HAUS2: variants seen among roughly 807,000 people sequenced by gnomAD.
The protein encoded by HAUS2 is HAUS augmin like complex subunit 2.
In HAUS2, 20 loss-of-function variants were observed where a neutral mutation model predicts 21.6. That is an observed-to-expected ratio of 0.93 (90% CI 0.65 to 1.35). The LOEUF (loss-of-function observed/expected upper bound fraction) is 1.35. HAUS2 is among the 40% of genes most tolerant of loss of function. The pLI, the probability that HAUS2 is intolerant of heterozygous loss-of-function variation, is 0.00. For missense variants in HAUS2, 297 were observed against 280.7 expected, an observed-to-expected ratio of 1.06 and a Z score of -0.42; for synonymous variants, 113 against 95.6, an observed-to-expected ratio of 1.18 and a Z score of -1.06.
intron 5 of HAUS2, among the ~76,000 whole-genome samples, chr15:42,565,298 G>A (rs900180131): frequency 6.6e-6 from 1 of 152,090 alleles, no homozygotes; most frequent in Non-Finnish European, 1.5e-5. Flanking sequence ...AGGTATTGAG[G>A]AGATTAGCTC....
At chr15:42,556,046 A>G (rs1442650284) in intron 1 of HAUS2, among the ~76,000 whole-genome samples, 1 of 151,644 alleles carries the variant, frequency 6.6e-6, no homozygotes, top group South Asian at 2.1e-4. Flanking sequence ...TCCCAGGTTC[A>G]AGCAATTCTC....
intron 1 of HAUS2, among the ~76,000 whole-genome samples, chr15:42,552,552 T>C (rs1441423420): frequency 6.6e-6 from 1 of 152,212 alleles, no homozygotes; most frequent in Non-Finnish European, 1.5e-5. Context: ...TTTGTTTCAA[T>C]CTGTTAGAGA....
rs1244000814 is a variant in HAUS2, at chr15:42,548,954, A to G, written c.82A>G (p.Met28Val). Reference protein sequence around the residue: ...LVLGHFIASGMVNQEMLNMSK... With the variant: ...LVLGHFIASGVVNQEMLNMSK... ...GCTAGGCCACTTCATAGCTTCGGGGATGGTCAATCAGGTACGTGGGGGTGG... is the reference window on the plus strand; with the variant it reads ...GCTAGGCCACTTCATAGCTTCGGGGGTGGTCAATCAGGTACGTGGGGGTGG... The change falls in exon 1 of 6, where the codon ATG becomes GTG. Residue 28 changes from methionine (M) to valine (V), a missense_variant. Coordinates refer to ENST00000260372, the MANE Select transcript of HAUS2 (RefSeq NM_018097.3). 3 of 1,519,050 alleles carry G rather than the reference A, an allele frequency of 2.0e-6. No homozygotes were observed. Among genetic ancestry groups the G allele is most frequent in the Admixed American group, 2.0e-5 (1 of 50,344 alleles). The allele number at this position is 1,519,050 out of a possible 1,614,324, so 94.1% of individuals were successfully genotyped here.
intron 1 of HAUS2, among the ~76,000 whole-genome samples, chr15:42,557,603 T>G (rs2057801263): frequency 6.7e-6 from 1 of 150,264 alleles, no homozygotes; most frequent in Non-Finnish European, 1.5e-5. Context: ...ATGCACAAGA[T>G]AATACTCAAT....
chr15:42,555,637 T>G (rs1460496874), intron 1 of HAUS2, among the ~76,000 whole-genome samples: 2 of 152,192 alleles, frequency 1.3e-5, no homozygotes. Context: ...ATGTTTTTGA[T>G]CTTTCTATCT....
intron 4 of HAUS2, 102 bp downstream of exon 4, chr15:42,561,504 G>T: frequency 1.3e-6 from 1 of 745,068 alleles, no homozygotes; most frequent in Non-Finnish European, 2.3e-6. Flanking sequence ...ATTAGTGATT[G>T]TATTTGTTAA....
chr15:42,548,949 CG>C lies in HAUS2; in HGVS notation c.81del (p.Met28TrpfsTer7). 6.5e-7 allele frequency: 1 copy of C among 1,547,552 alleles called. No homozygotes were observed. Among genetic ancestry groups the C allele is most frequent in the Non-Finnish European group, 8.7e-7 (1 of 1,143,436 alleles). Reference protein sequence around the residue: ...AGLVLGHFIASGMVNQEMLNM... With the variant: ...AGLVLGHFIAXGMVNQEMLNM... Reference sequence around the variant, plus strand: ...CTAGTGCTAGGCCACTTCATAGCTTCGGGGATGGTCAATCAGGTACGTGGGG... The same window carrying C: ...CTAGTGCTAGGCCACTTCATAGCTTCGGGATGGTCAATCAGGTACGTGGGG... On this transcript the variant is annotated frameshift_variant, in exon 1 of 6. Transcript: ENST00000260372. LOFTEE classifies it high-confidence loss of function.
chr15:42,558,992 T>C lies in HAUS2; in HGVS notation c.187-347T>C, dbSNP rs555328760. On this transcript the variant is annotated intron_variant, in intron 2 of 5. Coordinates refer to ENST00000260372, the MANE Select transcript of HAUS2 (RefSeq NM_018097.3). ...AAAACTTTATTGGTTCAAACAGCAA[T>C]TCCTTTGAACTTAGAACAGTGTCTA... Among the ~76,000 whole-genome samples the C allele has an allele frequency of 9.2e-5, 14 of 152,156 alleles. No homozygotes were observed. The East Asian group carries it at 2.7e-3, about 30-fold the overall frequency.
chr15:42,566,949 C>A lies in HAUS2; in HGVS notation c.*133C>A. 3.6e-6 allele frequency: 2 copies of A among 548,168 alleles called. No individual in the cohort carries two copies. The highest frequency in any genetic ancestry group is 6.4e-6 in the Non-Finnish European group (2 of 310,184). The allele number at this position is 548,168 out of a possible 1,614,324, so 34.0% of individuals were successfully genotyped here. A position where few individuals can be genotyped will look rare whatever the true frequency, so the allele number is the denominator to read the frequency against. On this transcript the variant is annotated 3_prime_UTR_variant, in exon 6 of 6. Coordinates refer to ENST00000260372, the MANE Select transcript of HAUS2 (RefSeq NM_018097.3). ...CTGCTTTATATTGGAGTATCAAGAT[C>A]TCAGGTTCATTAAGACCAAACTGAC...
Position 42,548,852 on chromosome 15 carries a change from C to T in HAUS2, c.-21C>T, listed in dbSNP as rs1211820426. Reference sequence around the variant, plus strand: ...CGATCCCGCTCACTCTTGGCGCCTTCGCGGAAGGTGCGTCCGAGCCATGGC... The same window carrying T: ...CGATCCCGCTCACTCTTGGCGCCTTTGCGGAAGGTGCGTCCGAGCCATGGC... On this transcript the variant is annotated 5_prime_UTR_variant, in exon 1 of 6. Transcript: ENST00000260372. 1.3e-6 allele frequency: 2 copies of T among 1,537,542 alleles called. No homozygotes were observed. Among genetic ancestry groups the T allele is most frequent in the African/African-American group, 1.4e-5 (1 of 72,608 alleles).
chr15:42,556,261 CTTTTTTT>C (rs1200353279), intron 1 of HAUS2, among the ~76,000 whole-genome samples: 1 of 76,304 alleles, frequency 1.3e-5, no homozygotes, highest in African/African-American at 6.3e-5. Flanking sequence ...TGCGCCCAGG[CTTTTTTT>C]TTTTTTTTTT....
intron 1 of HAUS2, among the ~76,000 whole-genome samples, chr15:42,551,615 T>G (rs2141590054): frequency 6.6e-6 from 1 of 152,186 alleles, no homozygotes. Flanking sequence ...CACTCCAGCC[T>G]GGGTGACACA....
intron 4 of HAUS2, among the ~76,000 whole-genome samples, chr15:42,562,869 G>A (rs1362968656): frequency 1.3e-5 from 2 of 152,208 alleles, no homozygotes; most frequent in African/African-American, 2.4e-5. Flanking sequence ...GGTAATTTGG[G>A]AGGCCAAGAT....
Position 42,563,845 on chromosome 15 carries a change from T to A in HAUS2, c.486T>A (p.Asn162Lys), listed in dbSNP as rs759469972. 4 of 1,468,174 alleles carry A rather than the reference T, an allele frequency of 2.7e-6. No homozygotes were observed. In the Admixed American group the frequency reaches 5.4e-5, roughly 20 times the overall value. The allele number at this position is 1,468,174 out of a possible 1,614,324, so 90.9% of individuals were successfully genotyped here. A position where few individuals can be genotyped will look rare whatever the true frequency, so the allele number is the denominator to read the frequency against. The change falls in exon 5 of 6, where the codon AAT (asparagine) becomes AAA (lysine). Residue 162 changes from asparagine to lysine, a missense_variant. By Grantham distance (94) the Asn-to-Lys change is moderately conservative. Coordinates refer to ENST00000260372, the MANE Select transcript of HAUS2 (RefSeq NM_018097.3). ...GAAATATTCCTCATTTAGCTGCAAATCTAAAGAAAATGGTGAGTATTAATA... is the reference window on the plus strand; with the variant it reads ...GAAATATTCCTCATTTAGCTGCAAAACTAAAGAAAATGGTGAGTATTAATA... ...TIRNIPHLAA[N>K]LKKMNQALAK...
At chr15:42,550,527 G>A (rs1264085318) in intron 1 of HAUS2, among the ~76,000 whole-genome samples, 2 of 152,182 alleles carry the variant, frequency 1.3e-5, no homozygotes, top group South Asian at 2.1e-4. Flanking sequence ...ATAAGAGGCT[G>A]TGATACTGTA....
chr15:42,564,705 T>G (rs1211579094), intron 5 of HAUS2, among the ~76,000 whole-genome samples: 3 of 152,212 alleles, frequency 2.0e-5, no homozygotes, highest in Admixed American at 2.0e-4. Context: ...CCTAGGCTGG[T>G]TTCGAACTCC....
rs748190228 is a variant in HAUS2, at chr15:42,558,309, ACTTT to A, written c.186+24_186+27del. The A allele has an allele frequency of 5.4e-5, 40 of 743,982 alleles. No individual in the cohort carries two copies. The highest frequency in any genetic ancestry group is 2.2e-4 in the East Asian group (7 of 31,874). The allele number at this position is 743,982 out of a possible 1,614,324, so 46.1% of individuals were successfully genotyped here. ...CTACCAGGTAAATCATTTTGTTTTC[ACTTT>A]CTTTTTTTTTTTTTTTTTTTTTTTT... is the stretch of plus-strand genomic sequence containing the variant. On this transcript the variant is annotated intron_variant, in intron 2 of 5. Coordinates refer to ENST00000260372, the MANE Select transcript of HAUS2 (RefSeq NM_018097.3).
At chr15:42,558,788 T>A (rs2057817011) in intron 2 of HAUS2, among the ~76,000 whole-genome samples, 1 of 151,878 alleles carries the variant, frequency 6.6e-6, no homozygotes, top group African/African-American at 2.4e-5. Flanking sequence ...GGAGATCCCG[T>A]CTCTACAAAA....
At chr15:42,560,788 A>C (rs2057841965) in intron 3 of HAUS2, 1 of 701,780 alleles carries the variant, frequency 1.4e-6, no homozygotes, top group South Asian at 1.5e-5. Context: ...GTAGAGATGA[A>C]GTCTTGCTAT....
Sources: allele counts gnomAD v4.1 joint callset (sites outside exome capture counted in the v4.1 genomes callset), GRCh38; gene constraint gnomAD v4.1.1; transcripts MANE v1.5; gene names NCBI Gene and HGNC (gene_info 2026-07-23, HGNC 2026-07-21).